The following LRRC71 variants were observed in gnomAD, a reference collection of about 807,000 sequenced individuals.
LRRC71 encodes leucine-rich repeat-containing protein 71.
A neutral mutation model predicts 66.6 loss-of-function variants in LRRC71; 54 were observed. The ratio of observed to expected loss-of-function variants is 0.81; its 90% CI spans 0.65 to 1.02. LRRC71 has a LOEUF of 1.02. Ranked by LOEUF, LRRC71 falls within the 50% of genes least tolerant of loss-of-function variation. The probability of loss-of-function intolerance (pLI) is 0.00; values close to 1 mark genes in which losing one functional copy is unlikely to be tolerated. For missense variants in LRRC71, 724 were observed against 718.0 expected (o/e 1.01, Z -0.10); for synonymous variants, 323 against 303.9 (o/e 1.06, Z -0.65).
chr1:156,922,284 G>C (rs1341533357), intron 1 of LRRC71, among the ~76,000 whole-genome samples: 1 of 152,140 alleles, frequency 6.6e-6, no homozygotes, highest in Non-Finnish European at 1.5e-5. Flanking sequence ...AGCCTTACAG[G>C]TTGTAGAGGA....
chr1:156,928,053 C>T (rs765816329), intron 9 of LRRC71, 49 bp downstream of exon 9: 99 of 1,515,586 alleles, frequency 6.5e-5, no homozygotes, highest in Non-Finnish European at 8.3e-5. Context: ...CTCTGACCCT[C>T]GAGCCCACTC....
chr1:156,928,149 C>T, intron 9 of LRRC71, 145 bp downstream of exon 9: 2 of 826,846 alleles, frequency 2.4e-6, no homozygotes, highest in Non-Finnish European at 3.8e-6. Context: ...GATTTCTGCA[C>T]AGACTTTTGC....
In LRRC71 at chr1:156,920,649, C is replaced by A; in HGVS notation, c.-155C>A. On this transcript the variant is annotated 5_prime_UTR_variant, in exon 1 of 15. Coordinates refer to ENST00000337428, the MANE Select transcript of LRRC71 (RefSeq NM_144702.3). The surrounding 1 kb of genome is among the most constrained non-coding windows in gnomAD (Gnocchi z 4.9). Reference sequence around the variant, plus strand: ...CTCGCGCGGTTGTCTTGGAGAGGGACGCGTAGGCTACGCCACCGCGGACGG... The same window carrying A: ...CTCGCGCGGTTGTCTTGGAGAGGGAAGCGTAGGCTACGCCACCGCGGACGG... 2.1e-6 allele frequency: 2 copies of A among 949,896 alleles called. No homozygotes were observed. Among genetic ancestry groups the A allele is most frequent in the South Asian group, 3.2e-5 (1 of 31,744 alleles). 58.8% of individuals were successfully genotyped at this position (949,896 alleles called of 1,614,324 possible). A position where few individuals can be genotyped will look rare whatever the true frequency, so the allele number is the denominator to read the frequency against.
intron 4 of LRRC71, 36 bp from the exon 5 acceptor site, chr1:156,924,902 C>T (rs1287041812): frequency 1.9e-6 from 3 of 1,550,466 alleles, no homozygotes; most frequent in Non-Finnish European, 2.6e-6. Context: ...AGGGGGCGCT[C>T]TAGCTCTGTG....
At chr1:156,930,032 T>TTCTTTCTCTTTC (rs1187267457) in intron 11 of LRRC71, among the ~76,000 whole-genome samples, 2 of 120,016 alleles carry the variant, frequency 1.7e-5, no homozygotes, top group Non-Finnish European at 3.3e-5. Context: ...TTTCTTTTCT[T>TTCTTTCTCTTTC]TTTCTTTCTT....
At position 156,930,015 on chromosome 1, in the gene LRRC71, T is replaced by TTTTTC. The variant is rs201173672; in HGVS notation, c.1240+301_1240+305dup. Among the ~76,000 whole-genome samples the TTTTTC allele has an allele frequency of 3.4e-5, 5 of 148,720 alleles. No homozygotes were observed. The South Asian group carries it at 6.5e-4, about 19-fold the overall frequency. On this transcript the variant is annotated intron_variant, in intron 11 of 14. Transcript: ENST00000337428. ...GCTGGGGCCCCCTCCAGCCATTTCT[T>TTTTTC]TTTTCTTTTCTTTTCTTTTTCTTTC...
Position 156,927,666 on chromosome 1 carries a change from G to C in LRRC71, c.822+11G>C. The C allele has an allele frequency of 1.9e-6, 3 of 1,606,750 alleles. No individual in the cohort carries two copies. Among genetic ancestry groups the C allele is most frequent in the Non-Finnish European group, 2.5e-6 (3 of 1,178,310 alleles). On this transcript the variant is annotated intron_variant, in intron 7 of 14. Coordinates refer to ENST00000337428, the MANE Select transcript of LRRC71 (RefSeq NM_144702.3). ...GGCTACATCGCGGACGTGAGTGCAC[G>C]GCGGGGAGGGACCTGCTGGGAGCAG...
chr1:156,940,637 T>A, the LRRC71 span, among the ~76,000 whole-genome samples: 1 of 152,178 alleles, frequency 6.6e-6, no homozygotes, highest in South Asian at 2.1e-4. Context: ...GCTTACATTC[T>A]AGGGGAGGGA....
Position 156,927,553 on chromosome 1 carries a change from G to A in LRRC71, c.720G>A (p.Leu240=), listed in dbSNP as rs766837980. The change falls in exon 7 of 15, where the codon CTG becomes CTA. Residue 240 remains leucine, a synonymous_variant. Transcript: ENST00000337428. ...NNIDDRGAQL[L]GQALSTLHSC... The stretch of plus-strand genomic sequence containing the variant: ...TCGACGACCGCGGGGCGCAACTCCT[G>A]GGCCAGGCGCTGTCCACGCTGCACA... 2 of 1,574,920 alleles carry A rather than the reference G, an allele frequency of 1.3e-6. No homozygotes were observed. Among genetic ancestry groups the A allele is most frequent in the Non-Finnish European group, 1.7e-6 (2 of 1,160,662 alleles).
intron 6 of LRRC71, 23 bp downstream of exon 6, chr1:156,927,293 C>G (rs774037268): frequency 2.5e-6 from 4 of 1,609,446 alleles, no homozygotes; most frequent in South Asian, 1.1e-5. Flanking sequence ...GCCCTCACCC[C>G]CTTTCTCTGG....
the LRRC71 span, chr1:156,939,785 G>A: frequency 3.1e-6 from 5 of 1,613,912 alleles, no homozygotes; most frequent in Non-Finnish European, 4.2e-6. Context: ...GGGTCCCAGG[G>A]GTGAGAGGTG....
Position 156,927,929 on chromosome 1 carries a change from C to T in LRRC71, c.921C>T (p.Phe307=), listed in dbSNP as rs183062517. ...GCCTCCTTCAGGTCCTGCGCGCCTT[C>T]GAGCTGACACACACCGAAGTGGTGG... is the stretch of plus-strand genomic sequence containing the variant. ...ALKLAEVLRA[F]ELTHTEVVER... The change falls in exon 9 of 15, where the codon TTC becomes TTT. Residue 307 remains phenylalanine, a synonymous_variant. Coordinates refer to ENST00000337428, the MANE Select transcript of LRRC71 (RefSeq NM_144702.3). 385 of 1,612,010 alleles carry T rather than the reference C, an allele frequency of 2.4e-4. No individual in the cohort carries two copies. In the African/African-American group the frequency reaches 4.8e-3, roughly 20 times the overall value.
In LRRC71 at chr1:156,920,670, G is replaced by A; in HGVS notation, c.-134G>A. Reference sequence around the variant, plus strand: ...GGGACGCGTAGGCTACGCCACCGCGGACGGGTCGGATCCGGTCCCTGGACG... The same window carrying A: ...GGGACGCGTAGGCTACGCCACCGCGAACGGGTCGGATCCGGTCCCTGGACG... On this transcript the variant is annotated 5_prime_UTR_variant, in exon 1 of 15. Coordinates refer to ENST00000337428, the MANE Select transcript of LRRC71 (RefSeq NM_144702.3). This position sits in a 1 kb window ranked among gnomAD's most constrained non-coding sequence, Gnocchi z 4.9. The A allele has an allele frequency of 8.8e-7, 1 of 1,137,238 alleles. No individual in the cohort carries two copies. Among genetic ancestry groups the A allele is most frequent in the Non-Finnish European group, 1.1e-6 (1 of 876,466 alleles). 70.4% of individuals were successfully genotyped at this position (1,137,238 alleles called of 1,614,324 possible). A position where few individuals can be genotyped will look rare whatever the true frequency, so the allele number is the denominator to read the frequency against.
chr1:156,929,530 T>C lies in LRRC71; in HGVS notation c.1146+101T>C. The C allele has an allele frequency of 1.9e-6, 3 of 1,559,140 alleles. No homozygotes were observed. The South Asian group carries it at 3.5e-5, about 18-fold the overall frequency. Reference sequence around the variant, plus strand: ...GAGGGAAGAAGGCCACATGGGCCTTTGAAGTTCCCCCTAAGGCCCCGGGTC... The same window carrying C: ...GAGGGAAGAAGGCCACATGGGCCTTCGAAGTTCCCCCTAAGGCCCCGGGTC... On this transcript the variant is annotated intron_variant, in intron 10 of 14. Coordinates refer to ENST00000337428, the MANE Select transcript of LRRC71 (RefSeq NM_144702.3).
At chr1:156,939,221 G>T in the LRRC71 span, 1 of 333,466 alleles carries the variant, frequency 3.0e-6, no homozygotes, top group Non-Finnish European at 5.6e-6. Flanking sequence ...GATCAGTGAG[G>T]AGCACTAACA....
Position 156,929,336 on chromosome 1 carries a change from A to G in LRRC71, c.1053A>G (p.Val351=), listed in dbSNP as rs1008007746. The G allele has an allele frequency of 2.5e-6, 4 of 1,612,982 alleles. No homozygotes were observed. In the African/African-American group the frequency reaches 5.3e-5, roughly 22 times the overall value. Residue 351 remains valine, a synonymous_variant, in exon 10 of 15, where the codon GTA becomes GTG. Coordinates refer to ENST00000337428, the MANE Select transcript of LRRC71 (RefSeq NM_144702.3). ...CGGACCGTGAGAAGAGTCAGATGGTAGGGATCAGCAATAGTGCATTGGTGG... is the reference window on the plus strand; with the variant it reads ...CGGACCGTGAGAAGAGTCAGATGGTGGGGATCAGCAATAGTGCATTGGTGG... ...SKTDREKSQM[V]GISNSALVDK...
downstream of LRRC71, chr1:156,937,057 C>T (rs1655556893): frequency 1.3e-6 from 2 of 1,593,008 alleles, no homozygotes; most frequent in Non-Finnish European, 1.7e-6. Context: ...TTCCTAAGGC[C>T]CCTGGGGAAG....
downstream of LRRC71, chr1:156,936,812 T>G: frequency 6.2e-7 from 1 of 1,611,800 alleles, no homozygotes; most frequent in Non-Finnish European, 8.5e-7. Flanking sequence ...CTGGCTTCAC[T>G]CACCATCCTC....
In LRRC71 at chr1:156,929,473, G is replaced by A. The variant is rs562470780; in HGVS notation, c.1146+44G>A. 5.6e-6 allele frequency: 9 copies of A among 1,612,252 alleles called. No individual in the cohort carries two copies. In the South Asian group the frequency reaches 8.8e-5, roughly 16 times the overall value. On this transcript the variant is annotated intron_variant, in intron 10 of 14. Coordinates refer to ENST00000337428, the MANE Select transcript of LRRC71 (RefSeq NM_144702.3). ...AGATCCTGGGTGCTGGACGGACAGG[G>A]GAGGGGGCTTCCATCATGTACAGAG...
Sources: gnomAD v4.1 joint callset for allele counts (sites outside exome capture counted in the v4.1 genomes callset) on GRCh38, gnomAD v4.1.1 for gene constraint, Gnocchi (gnomAD v3.1) non-coding constraint, MANE v1.5 for transcripts, NCBI Gene and HGNC (gene_info 2026-07-23, HGNC 2026-07-21) for gene names.